The following SPATA33 variants were observed in gnomAD, a reference collection of about 807,000 sequenced individuals.
The protein encoded by SPATA33 is spermatogenesis associated 33.
In SPATA33, 10 loss-of-function variants were observed where a neutral mutation model predicts 8.9. That is an observed-to-expected ratio of 1.12 (90% confidence interval 0.69 to 1.90). The LOEUF (loss-of-function observed/expected upper bound fraction) is 1.90, where lower values mean the gene tolerates loss of function less well. Among genes scored for constraint, SPATA33 ranks in the 40% most tolerant of loss-of-function variants. The pLI, the probability that SPATA33 is intolerant of heterozygous loss-of-function variation, is 0.00. For synonymous variants in SPATA33, 96 were observed against 72.8 expected, an observed-to-expected ratio of 1.32 and a Z score of -1.63; for missense variants, 241 against 178.3, an observed-to-expected ratio of 1.35 and a Z score of -2.00.
At chr16:89,663,460 G>C (rs145879811) in intron 2 of SPATA33, among the ~76,000 whole-genome samples, 1 of 151,986 alleles carries the variant, frequency 6.6e-6, no homozygotes, top group African/African-American at 2.4e-5. Flanking sequence ...TGATCCGCTT[G>C]CCTCAAACTC....
intron 2 of SPATA33, chr16:89,661,196 C>T: frequency 1.0e-6 from 1 of 985,420 alleles, no homozygotes; most frequent in Non-Finnish European, 1.2e-6. Flanking sequence ...ACTGTGGCAG[C>T]TGTTAGGATA....
intron 2 of SPATA33, chr16:89,661,122 A>G (rs370355595): frequency 6.1e-6 from 6 of 985,514 alleles, no homozygotes; most frequent in African/African-American, 5.2e-5. Context: ...GTAAGTTACT[A>G]TGAAGCAGTA....
intron 2 of SPATA33, chr16:89,659,992 T>C (rs1426961265): frequency 1.3e-5 from 2 of 152,344 alleles, no homozygotes; most frequent in Non-Finnish European, 2.9e-5. Context: ...TGGAAAATGC[T>C]ACCTGTCTGT....
In SPATA33 at chr16:89,669,928, ACCAGGGCT is replaced by A; in HGVS notation, c.*432_*439del. On this transcript the variant is annotated 3_prime_UTR_variant, in exon 3 of 3. Transcript: ENST00000579310. The stretch of plus-strand genomic sequence containing the variant: ...TCTCCAGTGCTCTCGGGGAGGGTGC[ACCAGGGCT>A]GCCCCACGCTGTAAGAAGCCGCCGC... The A allele has an allele frequency of 5.3e-6, 1 of 188,482 alleles. No individual in the cohort carries two copies. Among genetic ancestry groups the A allele is most frequent in the South Asian group, 9.1e-5 (1 of 10,998 alleles). 11.7% of individuals were successfully genotyped at this position (188,482 alleles called of 1,614,324 possible).
At chr16:89,660,603 C>G (rs2059954383) in intron 2 of SPATA33, 1 of 1,187,736 alleles carries the variant, frequency 8.4e-7, no homozygotes, top group Non-Finnish European at 1.1e-6. Context: ...GAAGGAGTCC[C>G]AAAGGTGGGA....
chr16:89,669,891 C>T lies in SPATA33; in HGVS notation c.*394C>T. The T allele has an allele frequency of 4.4e-6, 1 of 227,124 alleles. No homozygotes were observed. Among genetic ancestry groups the T allele is most frequent in the Non-Finnish European group, 8.7e-6 (1 of 115,126 alleles). 14.1% of individuals were successfully genotyped at this position (227,124 alleles called of 1,614,324 possible). A position where few individuals can be genotyped will look rare whatever the true frequency, so the allele number is the denominator to read the frequency against. ...CAGGGTTGCCCCACCCTGTGAGAAG[C>T]CACCGCCCCCTTCTCCAGTGCTCTC... On this transcript the variant is annotated 3_prime_UTR_variant, in exon 3 of 3. Coordinates refer to ENST00000579310, the MANE Select transcript of SPATA33 (RefSeq NM_001271907.2).
In SPATA33 at chr16:89,663,336, C is replaced by T. The variant is rs550828552; in HGVS notation, c.211+4915C>T. Among the ~76,000 whole-genome samples the T allele has an allele frequency of 1.5e-4, 23 of 151,396 alleles. 1 individual carries two copies. The highest frequency in any genetic ancestry group is 7.9e-4 in the Admixed American group (12 of 15,172). On this transcript the variant is annotated intron_variant, in intron 2 of 2. Coordinates refer to ENST00000579310, the MANE Select transcript of SPATA33 (RefSeq NM_001271907.2). ...GTTCAAGCAATTCTACCTCGGCCTC[C>T]GGAGTAGCTGGGACTACAGGCATGC...
chr16:89,669,155 T>G (rs1013678459), intron 2 of SPATA33, 131 bp from the exon 3 acceptor site: 9 of 795,904 alleles, frequency 1.1e-5, no homozygotes, highest in Non-Finnish European at 1.9e-5. Context: ...TTTGATCACT[T>G]TTGGACTCAC....
chr16:89,667,376 A>T (rs188084519), intron 2 of SPATA33, among the ~76,000 whole-genome samples: 19 of 152,330 alleles, frequency 1.2e-4, no homozygotes, highest in African/African-American at 4.6e-4. Context: ...AATAAAGAGT[A>T]ATTGCTACAA....
At chr16:89,663,463 T>C (rs1431252802) in intron 2 of SPATA33, among the ~76,000 whole-genome samples, 2 of 152,084 alleles carry the variant, frequency 1.3e-5, no homozygotes, top group Non-Finnish European at 2.9e-5. Context: ...TCCGCTTGCC[T>C]CAAACTCCCG....
rs760649006 is a variant in SPATA33, at chr16:89,669,276, T to G, written c.212-10T>G. On this transcript the variant is annotated splice_polypyrimidine_tract_variant and intron_variant, in intron 2 of 2. Coordinates refer to ENST00000579310, the MANE Select transcript of SPATA33 (RefSeq NM_001271907.2). ...ACATCTACTAAATGCCTGGATGTTT[T>G]TTCCTCTAGAGAAACCTGATGTAAA... The G allele has an allele frequency of 1.2e-6, 2 of 1,613,888 alleles. No individual in the cohort carries two copies. Among genetic ancestry groups the G allele is most frequent in the Admixed American group, 1.7e-5 (1 of 59,996 alleles).
Position 89,658,272 on chromosome 16 carries a change from C to T in SPATA33, c.62C>T (p.Thr21Ile), listed in dbSNP as rs927584561. ...GGTGAGGAGCAAAAGAAGGGATCCA[C>T]CTATTCAGTTCCAAAATCTAAGGAG... ...RKGEEQKKGS[T>I]YSVPKSKEKL... The change falls in exon 2 of 3, where the codon ACC becomes ATC. Residue 21 changes from threonine (T) to isoleucine (I), a missense_variant. Thr to Ile is a moderately conservative substitution (Grantham distance 89, BLOSUM62 -1). Coordinates refer to ENST00000579310, the MANE Select transcript of SPATA33 (RefSeq NM_001271907.2). 3.1e-6 allele frequency: 5 copies of T among 1,614,160 alleles called. No homozygotes were observed. The highest frequency in any genetic ancestry group is 2.2e-5 in the East Asian group (1 of 44,882).
intron 2 of SPATA33, among the ~76,000 whole-genome samples, chr16:89,663,430 C>G (rs577400528): frequency 6.6e-6 from 1 of 152,148 alleles, no homozygotes; most frequent in African/African-American, 2.4e-5. Context: ...TCAGGCTGGT[C>G]TCAAACTCCC....
At chr16:89,667,440 C>A (rs1023098611) in intron 2 of SPATA33, among the ~76,000 whole-genome samples, 1 of 152,046 alleles carries the variant, frequency 6.6e-6, no homozygotes, top group African/African-American at 2.4e-5. Flanking sequence ...TCTAGTATAA[C>A]TATTCTTATT....
At chr16:89,660,076 G>A (rs7188458) in intron 2 of SPATA33, 70,120 of 157,330 alleles carry the variant, frequency 0.45, 16,139 homozygotes, top group South Asian at 0.6. Flanking sequence ...AATGTCTCAC[G>A]AATGAAGGGT....
At chr16:89,667,307 C>G (rs2060039580) in intron 2 of SPATA33, among the ~76,000 whole-genome samples, 1 of 152,144 alleles carries the variant, frequency 6.6e-6, no homozygotes, top group Non-Finnish European at 1.5e-5. Context: ...GCTCCTGTCT[C>G]TGTATGACCT....
chr16:89,660,268 TC>T (rs2059948819), intron 2 of SPATA33: 1 of 374,472 alleles, frequency 2.7e-6, no homozygotes, highest in Middle Eastern at 6.8e-4. Flanking sequence ...AGGAAACCTT[TC>T]CCAGGAAGGC....
At chr16:89,660,517 A>C (rs139168969) in intron 2 of SPATA33, 1 of 1,231,874 alleles carries the variant, frequency 8.1e-7, no homozygotes. Context: ...AGATAAAATG[A>C]AGTGTGCACG....
At chr16:89,663,676 G>C (rs11646741) in intron 2 of SPATA33, among the ~76,000 whole-genome samples, 58,266 of 151,834 alleles carry the variant, frequency 0.38, 12,221 homozygotes, top group African/African-American at 0.54. Context: ...TGGGGTTGGG[G>C]TAGGGAGTGG....
Sources: allele counts gnomAD v4.1 joint callset (sites outside exome capture counted in the v4.1 genomes callset), GRCh38; gene constraint gnomAD v4.1.1; transcripts MANE v1.5; gene names NCBI Gene and HGNC (gene_info 2026-07-23, HGNC 2026-07-21).